The following HOMER2 variants were observed in gnomAD, a reference collection of about 807,000 sequenced individuals.
HOMER2 encodes the protein homer scaffold protein 2.
HOMER2 carries 27 observed loss-of-function variants against 47.0 expected under a neutral mutation model. The ratio of observed to expected loss-of-function variants is 0.57; its 90% CI spans 0.42 to 0.79. The LOEUF is 0.79. Among genes scored for constraint, HOMER2 ranks in the 30% least tolerant of loss-of-function variants. The probability of loss-of-function intolerance (pLI) is 0.00; values close to 1 mark genes in which losing one functional copy is unlikely to be tolerated. For synonymous variants in HOMER2, 161 were observed against 163.8 expected (o/e 0.98, Z 0.13); for missense variants, 443 against 435.0 (o/e 1.02, Z -0.16).
intron 2 of HOMER2, among the ~76,000 whole-genome samples, chr15:82,882,054 A>G (rs1315598455): frequency 1.3e-5 from 2 of 152,224 alleles, no homozygotes; most frequent in Non-Finnish European, 2.9e-5. Flanking sequence ...GAGTTTCTTT[A>G]TAATGGAGTT....
chr15:82,905,549 A>C (rs1045894705), intron 1 of HOMER2, among the ~76,000 whole-genome samples: 2 of 152,154 alleles, frequency 1.3e-5, no homozygotes, highest in African/African-American at 4.8e-5. Flanking sequence ...ATCAAAAATA[A>C]ATTTAAAATC....
At chr15:82,860,923 T>C (rs1460489419) in intron 4 of HOMER2, among the ~76,000 whole-genome samples, 1 of 99,498 alleles carries the variant, frequency 1.0e-5, no homozygotes, top group Non-Finnish European at 2.0e-5. Context: ...GATGACACAG[T>C]GAGACTCTGT....
chr15:82,870,487 C>T (rs556018806), intron 3 of HOMER2, among the ~76,000 whole-genome samples: 1 of 152,118 alleles, frequency 6.6e-6, no homozygotes, highest in Non-Finnish European at 1.5e-5. Flanking sequence ...CAAATGAAAT[C>T]CATGCAGATT....
At chr15:82,881,186 C>G (rs1236867819) in intron 2 of HOMER2, among the ~76,000 whole-genome samples, 1 of 152,162 alleles carries the variant, frequency 6.6e-6, no homozygotes, top group Non-Finnish European at 1.5e-5. Flanking sequence ...AGTAAAAGAC[C>G]CAGTCCTGCA....
exon 2 of HOMER2, chr15:82,959,083 A>T (rs895908290): frequency 6.6e-6 from 1 of 152,272 alleles, no homozygotes; most frequent in African/African-American, 2.4e-5. Context: ...TCTCTTCTGG[A>T]CTCCCAACTC....
chr15:82,859,295 C>G, intron 4 of HOMER2, 160 bp from the exon 5 acceptor site: 3 of 866,748 alleles, frequency 3.5e-6, no homozygotes, highest in Non-Finnish European at 5.0e-6. Context: ...CAAAGACTAA[C>G]AAGTTTTTGT....
At chr15:82,954,674 T>C (rs995256416), upstream of HOMER2, among the ~76,000 whole-genome samples, 6 of 152,110 alleles carry the variant, frequency 3.9e-5, no homozygotes, top group Non-Finnish European at 7.4e-5. Context: ...CTTCAGCACA[T>C]ACATACTATG....
chr15:82,923,382 G>T (rs946302333), intron 1 of HOMER2, among the ~76,000 whole-genome samples: 1 of 151,854 alleles, frequency 6.6e-6, no homozygotes, highest in Non-Finnish European at 1.5e-5. Flanking sequence ...AGCTACTCAG[G>T]AGGCTGAGGC....
At chr15:82,894,141 T>G (rs913315600) in intron 1 of HOMER2, among the ~76,000 whole-genome samples, 3 of 152,216 alleles carry the variant, frequency 2.0e-5, no homozygotes, top group South Asian at 4.1e-4. Context: ...GCCTAAAGCA[T>G]TTTATGCGAT....
upstream of HOMER2, chr15:82,952,844 G>T: frequency 2.8e-6 from 1 of 355,516 alleles, no homozygotes; most frequent in Non-Finnish European, 3.9e-6. Flanking sequence ...GCCAAGAGGC[G>T]GGGGGCGCAG....
In HOMER2 at chr15:82,852,227, C is replaced by T. The variant is rs552168910; in HGVS notation, c.677G>A (p.Ser226Asn). 2.5e-6 allele frequency: 4 copies of T among 1,613,838 alleles called. No homozygotes were observed. In the East Asian group the frequency reaches 8.9e-5, roughly 36 times the overall value. The change falls in exon 7 of 9, where the codon AGT (serine) becomes AAT (asparagine). Residue 226 changes from serine to asparagine, a missense_variant. Physicochemically the swap from Ser to Asn is conservative, Grantham distance 46. Transcript: ENST00000450735. ...CTTCTCCTTCTCTCTGTTGATCTCACTGCATTGTTCTTCCAGCTCATCAAT... is the reference window on the plus strand; with the variant it reads ...CTTCTCCTTCTCTCTGTTGATCTCATTGCATTGTTCTTCCAGCTCATCAAT... ...NKIDELEEQC[S>N]EINREKEKNT...
At chr15:82,968,211 A>G (rs556495390) in intron 1 of HOMER2, among the ~76,000 whole-genome samples, 4 of 152,208 alleles carry the variant, frequency 2.6e-5, no homozygotes, top group African/African-American at 9.6e-5. Context: ...CATTTTAACC[A>G]CAGCGGAATT....
At chr15:82,946,847 C>A (rs2054394278) in intron 1 of HOMER2, among the ~76,000 whole-genome samples, 1 of 152,164 alleles carries the variant, frequency 6.6e-6, no homozygotes, top group Admixed American at 6.5e-5. Context: ...GGCTGTGTAA[C>A]CATCAGTGTA....
exon 2 of HOMER2, chr15:82,842,316 T>C (rs1188342496): frequency 1.3e-5 from 2 of 151,980 alleles, no homozygotes; most frequent in African/African-American, 4.8e-5. Context: ...TTTTTTTGTT[T>C]TGTTTTTTGT....
intron 1 of HOMER2, among the ~76,000 whole-genome samples, chr15:82,900,013 G>T: frequency 6.6e-6 from 1 of 151,926 alleles, no homozygotes. Flanking sequence ...CACAGTAGGT[G>T]AGACTCCATC....
intron 1 of HOMER2, among the ~76,000 whole-genome samples, chr15:82,980,668 A>T (rs773967514): frequency 6.6e-6 from 1 of 152,234 alleles, no homozygotes; most frequent in Non-Finnish European, 1.5e-5. Flanking sequence ...GACCCAGGGA[A>T]GTGGACAATC....
chr15:82,867,282 T>C (rs1030057797), intron 3 of HOMER2, among the ~76,000 whole-genome samples: 2 of 151,842 alleles, frequency 1.3e-5, no homozygotes, highest in African/African-American at 4.8e-5. Flanking sequence ...GGTGGATAAT[T>C]TTCTAAACTT....
intron 1 of HOMER2, among the ~76,000 whole-genome samples, chr15:82,918,147 C>T (rs1181862800): frequency 6.6e-6 from 1 of 152,138 alleles, no homozygotes; most frequent in Non-Finnish European, 1.5e-5. Flanking sequence ...AGTGTCTACT[C>T]TCATAAGAAT....
At chr15:82,974,584 C>A (rs890505216) in intron 1 of HOMER2, among the ~76,000 whole-genome samples, 8 of 152,148 alleles carry the variant, frequency 5.3e-5, no homozygotes, top group Non-Finnish European at 2.9e-5. Flanking sequence ...GGTCACAGTT[C>A]ATATTCCAAA....
Sources: gnomAD v4.1 joint callset for allele counts (sites outside exome capture counted in the v4.1 genomes callset) on GRCh38, gnomAD v4.1.1 for gene constraint, MANE v1.5 for transcripts, NCBI Gene and HGNC (gene_info 2026-07-23, HGNC 2026-07-21) for gene names.